Variants in CPA3 observed in about 807,000 individuals in gnomAD.
CPA3 encodes the protein carboxypeptidase A3.
CPA3 carries 52 observed loss-of-function variants against 55.8 expected under a neutral mutation model. That is an observed-to-expected ratio of 0.93 (90% CI 0.75 to 1.17). CPA3 has a LOEUF of 1.17. Ranked by LOEUF, CPA3 falls within the 50% of genes most tolerant of loss-of-function variation. The pLI is 0.00. For synonymous variants in CPA3, 179 were observed against 171.2 expected (o/e 1.05, Z -0.36); for missense variants, 547 against 509.1 (o/e 1.07, Z -0.72).
chr3:148,871,832 A>T (rs1433478740), intron 3 of CPA3, among the ~76,000 whole-genome samples: 3 of 152,354 alleles, frequency 2.0e-5, no homozygotes, highest in Non-Finnish European at 4.4e-5. Flanking sequence ...TGATAAGTGC[A>T]GACAAGAACT....
At chr3:148,865,788 G>A (rs1713886095) in intron 2 of CPA3, among the ~76,000 whole-genome samples, 1 of 152,080 alleles carries the variant, frequency 6.6e-6, no homozygotes, top group Non-Finnish European at 1.5e-5. Context: ...GCTTTTTCAA[G>A]GTAAAACTAT....
In CPA3 at chr3:148,865,528, G is replaced by C. The variant is rs764581661; in HGVS notation, c.124G>C (p.Asp42His). The part of the protein sequence containing the change: ...QDEKQADIIK[D>H]LAKTNELDFW... The stretch of plus-strand genomic sequence containing the variant: ...TGAAAAACAAGCAGACATCATAAAG[G>C]ACTTGGCCAAAACCAATGAGGTAAG... The change falls in exon 2 of 11, where the codon GAC becomes CAC. Residue 42 changes from aspartate to histidine, a missense_variant. Transcript: ENST00000296046. The C allele has an allele frequency of 5.0e-6, 8 of 1,613,934 alleles. No homozygotes were observed. The highest frequency in any genetic ancestry group is 5.9e-6 in the Non-Finnish European group (7 of 1,179,938).
At position 148,893,416 on chromosome 3, in the gene CPA3, A is replaced by G. The variant is rs1714728136; in HGVS notation, c.1067-3104A>G. 3.3e-5 allele frequency among the ~76,000 whole-genome samples: 5 copies of G among 152,316 alleles called. No individual in the cohort carries two copies. In the South Asian group the frequency reaches 1.0e-3, roughly 32 times the overall value. ...AAAACTGGAAGGGCTTAATAGCAGA[A>G]TAAATATGACAGAGGGAAGAATCAG... On this transcript the variant is annotated intron_variant, in intron 10 of 10. Coordinates refer to ENST00000296046, the MANE Select transcript of CPA3 (RefSeq NM_001870.4).
At chr3:148,878,901 G>C (rs548864291) in intron 5 of CPA3, among the ~76,000 whole-genome samples, 153 bp downstream of exon 5, 1 of 152,200 alleles carries the variant, frequency 6.6e-6, no homozygotes, top group South Asian at 2.1e-4. Context: ...GAATAGAAAT[G>C]ACAAGCGGTT....
At chr3:148,879,085 G>A (rs1383991792) in intron 5 of CPA3, among the ~76,000 whole-genome samples, 1 of 152,300 alleles carries the variant, frequency 6.6e-6, no homozygotes, top group Admixed American at 6.5e-5. Flanking sequence ...TGTCATGAAG[G>A]GAATTTAAAT....
At chr3:148,892,112 T>C (rs1406902452) in intron 10 of CPA3, among the ~76,000 whole-genome samples, 1 of 152,136 alleles carries the variant, frequency 6.6e-6, no homozygotes, top group Non-Finnish European at 1.5e-5. Flanking sequence ...CTCCTCCTCC[T>C]TTTTTTCTAC....
chr3:148,889,553 C>G (rs1356435164), intron 10 of CPA3, among the ~76,000 whole-genome samples: 1 of 152,102 alleles, frequency 6.6e-6, no homozygotes, highest in Non-Finnish European at 1.5e-5. Flanking sequence ...TTCCATGGTT[C>G]TCAAGCCTGA....
Position 148,878,645 on chromosome 3 carries a change from A to C in CPA3, c.373-2A>C. On this transcript the variant is annotated splice_acceptor_variant, in intron 4 of 10. Coordinates refer to ENST00000296046, the MANE Select transcript of CPA3 (RefSeq NM_001870.4). LOFTEE classifies it high-confidence loss of function. ...TTTCTCAAAATTGATTTTGCTCTTA[A>C]GATTGTGGCTTGGACTGAAAAGATG... 1 of 1,602,892 alleles carries C rather than the reference A, an allele frequency of 6.2e-7. No individual in the cohort carries two copies. The highest frequency in any genetic ancestry group is 8.5e-7 in the Non-Finnish European group (1 of 1,173,666).
chr3:148,882,725 C>G, intron 8 of CPA3, 130 bp downstream of exon 8: 1 of 688,032 alleles, frequency 1.5e-6, no homozygotes, highest in East Asian at 2.8e-5. Context: ...GTATCTATAA[C>G]ATGAAAGACA....
chr3:148,882,459 AT>A lies in CPA3; in HGVS notation c.688-45del, dbSNP rs773123811. On this transcript the variant is annotated intron_variant, in intron 7 of 10. Coordinates refer to ENST00000296046, the MANE Select transcript of CPA3 (RefSeq NM_001870.4). ...GAATTTGAAATGATCAAATTGAAAA[AT>A]GCAAACTGATCTTGTGTAAACACTT... 3 of 1,525,012 alleles carry A rather than the reference AT, an allele frequency of 2.0e-6. No individual in the cohort carries two copies. In the African/African-American group the frequency reaches 4.1e-5, roughly 21 times the overall value. The allele number at this position is 1,525,012 out of a possible 1,614,324, so 94.5% of individuals were successfully genotyped here. A position where few individuals can be genotyped will look rare whatever the true frequency, so the allele number is the denominator to read the frequency against.
chr3:148,881,609 G>A lies in CPA3; in HGVS notation c.664G>A (p.Gly222Arg), dbSNP rs763942534. The A allele has an allele frequency of 1.2e-6, 2 of 1,609,894 alleles. No individual in the cohort carries two copies. Among genetic ancestry groups the A allele is most frequent in the African/African-American group, 2.7e-5 (2 of 74,758 alleles). ...FYILPVFNVD[G>R]YIWSWTKNRM... ...CATTCTTCCTGTGTTCAATGTTGAT[G>A]GATATATTTGGTCATGGACAAAGGT... The change falls in exon 7 of 11, where the codon GGA (glycine) becomes AGA (arginine). Residue 222 changes from glycine (G) to arginine (R), a missense_variant. Physicochemically the swap from Gly to Arg is moderately radical, Grantham distance 125. Coordinates refer to ENST00000296046, the MANE Select transcript of CPA3 (RefSeq NM_001870.4).
chr3:148,876,961 C>T (rs1714222831), intron 3 of CPA3, among the ~76,000 whole-genome samples: 1 of 152,166 alleles, frequency 6.6e-6, no homozygotes, highest in South Asian at 2.1e-4. Flanking sequence ...CTTCTGAGCA[C>T]TAACTTCCCC....
In CPA3 at chr3:148,865,334, G is replaced by T; in HGVS notation, c.27G>T (p.Leu9Phe). The change falls in exon 1 of 11, where the codon TTG (leucine) becomes TTT (phenylalanine). Residue 9 changes from leucine to phenylalanine, a missense_variant. Physicochemically the swap from Leu to Phe is conservative, Grantham distance 22. Transcript: ENST00000296046. Reference protein sequence around the residue: MRLILPVGLIATTLAIAPV... With the variant: MRLILPVGFIATTLAIAPV... The stretch of plus-strand genomic sequence containing the variant: ...TGAGGCTCATCCTGCCTGTGGGTTT[G>T]ATTGCTACCACTCTTGCAATTGCTC... 1.2e-6 allele frequency: 2 copies of T among 1,614,138 alleles called. No individual in the cohort carries two copies. The highest frequency in any genetic ancestry group is 1.7e-6 in the Non-Finnish European group (2 of 1,179,996).
At chr3:148,876,567 G>C (rs1478154722) in intron 3 of CPA3, among the ~76,000 whole-genome samples, 6 of 151,930 alleles carry the variant, frequency 3.9e-5, no homozygotes, top group Non-Finnish European at 8.8e-5. Flanking sequence ...AGTAGAGATG[G>C]GGTTTCACCA....
chr3:148,881,448 C>A, intron 6 of CPA3, 74 bp from the exon 7 acceptor site: 1 of 828,386 alleles, frequency 1.2e-6, no homozygotes, highest in Non-Finnish European at 2.0e-6. Flanking sequence ...CAAGTTATTA[C>A]TATTATAACC....
chr3:148,867,017 A>G (rs1713918179), intron 2 of CPA3, among the ~76,000 whole-genome samples: 1 of 152,098 alleles, frequency 6.6e-6, no homozygotes, highest in Non-Finnish European at 1.5e-5. Context: ...CAGCCTCCCA[A>G]AATGCTGGGA....
intron 3 of CPA3, among the ~76,000 whole-genome samples, chr3:148,876,152 A>G (rs1714195379): frequency 6.6e-6 from 1 of 151,734 alleles, no homozygotes; most frequent in African/African-American, 2.4e-5. Context: ...TAATATATGA[A>G]TACTGTAATA....
At position 148,868,901 on chromosome 3, in the gene CPA3, G is replaced by T; in HGVS notation, c.145-14G>T. On this transcript the variant is annotated splice_polypyrimidine_tract_variant and intron_variant, in intron 2 of 10. Transcript: ENST00000296046. ...GCAAATAAACTCTGACTAACATTGA[G>T]CTTATCTCTGCAGCTTGACTTCTGG... 6.2e-7 allele frequency: 1 copy of T among 1,612,286 alleles called. No individual in the cohort carries two copies. The highest frequency in any genetic ancestry group is 2.2e-5 in the East Asian group (1 of 44,874).
chr3:148,886,183 T>A lies in CPA3; in HGVS notation c.1066+6T>A. ...CCCAATAGAATCAACAATTTGTAAG[T>A]CATTCCTCTTATTTACTGAGCCCTT... On this transcript the variant is annotated splice_donor_region_variant and intron_variant, in intron 10 of 10. Coordinates refer to ENST00000296046, the MANE Select transcript of CPA3 (RefSeq NM_001870.4). 6.3e-7 allele frequency: 1 copy of A among 1,587,370 alleles called. No homozygotes were observed. The highest frequency in any genetic ancestry group is 8.6e-7 in the Non-Finnish European group (1 of 1,158,472).
Sources: gnomAD v4.1 joint callset for allele counts (sites outside exome capture counted in the v4.1 genomes callset) on GRCh38, gnomAD v4.1.1 for gene constraint, MANE v1.5 for transcripts, NCBI Gene and HGNC (gene_info 2026-07-23, HGNC 2026-07-21) for gene names.